LEMD1: variants seen among roughly 807,000 people sequenced by gnomAD.
The protein encoded by LEMD1 is LEM domain-containing protein 1.
LEMD1 carries 18 observed loss-of-function variants against 17.4 expected under a neutral mutation model. That is an observed-to-expected ratio of 1.04 (90% CI 0.72 to 1.54). The LOEUF (loss-of-function observed/expected upper bound fraction) is 1.54, where lower values mean the gene tolerates loss of function less well. Ranked by LOEUF, LEMD1 falls within the 40% of genes most tolerant of loss-of-function variation. The probability of loss-of-function intolerance (pLI) is 0.00; values close to 1 mark genes in which losing one functional copy is unlikely to be tolerated. For missense variants in LEMD1, 195 were observed against 210.4 expected (o/e 0.93, Z 0.45); for synonymous variants, 88 against 77.8 (o/e 1.13, Z -0.69).
At chr1:205,440,934 C>T (rs1479125703) in intron 1 of LEMD1, 4 of 152,334 alleles carry the variant, frequency 2.6e-5, no homozygotes, top group Non-Finnish European at 5.9e-5. Flanking sequence ...ATCACACCGC[C>T]GTCTCCCGCT....
chr1:205,448,659 C>A lies in LEMD1; in HGVS notation c.-39+1209G>T, dbSNP rs1666444766. Among the ~76,000 whole-genome samples the A allele has an allele frequency of 6.6e-6, 1 of 152,170 alleles. No homozygotes were observed. The highest frequency in any genetic ancestry group is 1.5e-5 in the Non-Finnish European group (1 of 68,028). ...GGTATGAGGAGGGGTGGCTTCCTGG[C>A]CATAAAGGACCTCCTCAAATTCCCT... is the stretch of plus-strand genomic sequence containing the variant. On this transcript the variant is annotated intron_variant, in intron 1 of 3. Transcript: ENST00000367154. This position sits in a 1 kb window ranked among gnomAD's most constrained non-coding sequence, Gnocchi z 4.7.
At chr1:205,386,706 T>G (rs1243541075) in intron 4 of LEMD1, 1 of 152,222 alleles carries the variant, frequency 6.6e-6, no homozygotes, top group African/African-American at 2.4e-5. Context: ...GAGTGCCACA[T>G]GCAAACAGCA....
intron 4 of LEMD1, among the ~76,000 whole-genome samples, chr1:205,405,490 G>A (rs923587506): frequency 1.6e-4 from 23 of 142,952 alleles, no homozygotes; most frequent in African/African-American, 3.5e-4. Flanking sequence ...CCAGTTGATC[G>A]CATCGGCTCC....
chr1:205,394,793 C>A (rs1291156739), intron 4 of LEMD1, among the ~76,000 whole-genome samples: 1 of 152,008 alleles, frequency 6.6e-6, no homozygotes, highest in Non-Finnish European at 1.5e-5. Flanking sequence ...TTGAGACCAA[C>A]CTGACCAACG....
intron 4 of LEMD1, among the ~76,000 whole-genome samples, chr1:205,408,189 G>A (rs1214519239): frequency 6.6e-6 from 1 of 152,208 alleles, no homozygotes; most frequent in Admixed American, 6.5e-5. Flanking sequence ...ATGAATCAGC[G>A]TGGATTTCCT....
intron 4 of LEMD1, among the ~76,000 whole-genome samples, chr1:205,395,544 A>G (rs1664551069): frequency 6.6e-6 from 1 of 151,834 alleles, no homozygotes; most frequent in Non-Finnish European, 1.5e-5. Context: ...CGGTGAGCCA[A>G]GATCATGCCA....
rs565997685 is a variant in LEMD1, at chr1:205,386,979, C to A, written c.271-2615G>T. On this transcript the variant is annotated intron_variant, in intron 4 of 5. Transcript: ENST00000367153. Reference sequence around the variant, plus strand: ...ATCATGAACCTCTACATATCCATCACATGCAACTTCTTTTTAATTCGCTTA... The same window carrying A: ...ATCATGAACCTCTACATATCCATCAAATGCAACTTCTTTTTAATTCGCTTA... 6.6e-5 allele frequency: 10 copies of A among 152,326 alleles called. No homozygotes were observed. In the South Asian group the frequency reaches 1.0e-3, roughly 16 times the overall value. 9.4% of individuals were successfully genotyped at this position (152,326 alleles called of 1,614,324 possible). A position where few individuals can be genotyped will look rare whatever the true frequency, so the allele number is the denominator to read the frequency against.
rs867509408 is a variant in LEMD1 at position 205,405,160 on chromosome 1, C to T, written c.270+11072G>A. On this transcript the variant is annotated intron_variant, in intron 4 of 5. Transcript: ENST00000367153. ...ATTTTTTCCTTCATTTCAACTTTGGCGAATCTGACAATTATGTGTCTTGGA... is the reference window on the plus strand; with the variant it reads ...ATTTTTTCCTTCATTTCAACTTTGGTGAATCTGACAATTATGTGTCTTGGA... 5.2e-3 allele frequency among the ~76,000 whole-genome samples: 791 copies of T among 152,028 alleles called. 6 individuals are homozygous for T. Among genetic ancestry groups the T allele is most frequent in the African/African-American group, 0.018 (761 of 41,436 alleles).
intron 1 of LEMD1, among the ~76,000 whole-genome samples, chr1:205,434,674 A>T (rs989572616): frequency 2.0e-5 from 3 of 152,076 alleles, no homozygotes; most frequent in South Asian, 4.2e-4. Context: ...GTTCCAGGAG[A>T]CCTGGGGTGT....
chr1:205,397,856 A>AT (rs1037701968), intron 4 of LEMD1, among the ~76,000 whole-genome samples: 2 of 152,180 alleles, frequency 1.3e-5, no homozygotes, highest in Admixed American at 6.5e-5. Context: ...ACAAATCCAT[A>AT]TTTTTTTCTA....
At chr1:205,398,016 A>G (rs1041173192) in intron 4 of LEMD1, among the ~76,000 whole-genome samples, 3 of 152,234 alleles carry the variant, frequency 2.0e-5, no homozygotes, top group African/African-American at 7.2e-5. Context: ...TTACACAGAA[A>G]AGAAATCAAC....
At chr1:205,407,199 A>T (rs1288433643) in intron 4 of LEMD1, among the ~76,000 whole-genome samples, 2 of 151,968 alleles carry the variant, frequency 1.3e-5, no homozygotes, top group Non-Finnish European at 2.9e-5. Flanking sequence ...GTGTGGCAGC[A>T]CGTGCCTGTA....
intron 1 of LEMD1, among the ~76,000 whole-genome samples, chr1:205,446,640 T>G (rs1480707385): frequency 1.3e-5 from 2 of 152,076 alleles, no homozygotes; most frequent in Non-Finnish European, 2.9e-5. Flanking sequence ...GATCAGGAGT[T>G]AAGGGAAGGA....
chr1:205,384,084 T>C (rs923512283), intron 5 of LEMD1, among the ~76,000 whole-genome samples: 10 of 152,118 alleles, frequency 6.6e-5, no homozygotes, highest in Non-Finnish European at 1.3e-4. Flanking sequence ...TTCCCAGTTC[T>C]CCCGGGCCTA....
rs776536074 is a variant in LEMD1, at chr1:205,381,771, C to T, written c.433G>A (p.Glu145Lys). The change falls in exon 6 of 6, where the codon GAG becomes AAG. Residue 145 changes from glutamate to lysine, a missense_variant. Glu to Lys is a moderately conservative substitution (Grantham distance 56, BLOSUM62 1). Coordinates refer to ENST00000367153, the MANE Select transcript of LEMD1 (RefSeq NM_001199050.2). ...RDYCAEDQTI[E>K]SWREEGFPVG... ...GGGAAACCTTCTTCTCTCCAGCTCT[C>T]GATAGTCTGGTCTTCCGCGCAGTAG... is the stretch of plus-strand genomic sequence containing the variant. 2.0e-5 allele frequency: 32 copies of T among 1,614,062 alleles called. No homozygotes were observed. Among genetic ancestry groups the T allele is most frequent in the Middle Eastern group, 1.6e-4 (1 of 6,084 alleles).
At chr1:205,414,013 G>T (rs552490194) in intron 4 of LEMD1, among the ~76,000 whole-genome samples, 1 of 152,096 alleles carries the variant, frequency 6.6e-6, no homozygotes, top group Non-Finnish European at 1.5e-5. Context: ...AGAGTGAAAA[G>T]AATTTCAGGC....
intron 4 of LEMD1, among the ~76,000 whole-genome samples, chr1:205,414,381 G>T (rs994226575): frequency 6.6e-6 from 1 of 150,624 alleles, no homozygotes; most frequent in Non-Finnish European, 1.5e-5. Flanking sequence ...CCAAGAGTTC[G>T]AGACCAGCCT....
Position 205,420,570 on chromosome 1 carries a change from G to A in LEMD1, c.-34C>T. ...AAGTTTGGCCTCTTTTCTGATGGTA[G>A]AATCCTTGAAATAACAAAACATTAA... On this transcript the variant is annotated 5_prime_UTR_variant, in exon 2 of 6. Transcript: ENST00000367153. The A allele has an allele frequency of 6.8e-7, 1 of 1,476,340 alleles. No individual in the cohort carries two copies. Among genetic ancestry groups the A allele is most frequent in the Non-Finnish European group, 9.5e-7 (1 of 1,055,018 alleles). 91.5% of individuals were successfully genotyped at this position (1,476,340 alleles called of 1,614,324 possible).
rs1448292372 is a variant in LEMD1, at chr1:205,381,764, C to T, written c.440G>A (p.Trp147Ter). Residue 147 changes from tryptophan to a stop codon, truncating the protein, a stop_gained, in exon 6 of 6, where the codon TGG becomes TAG. Transcript: ENST00000367153. LOFTEE classifies it low-confidence loss of function (END_TRUNC). ...YCAEDQTIESWREEGFPVGLK... is the reference protein window; with the variant it reads ...YCAEDQTIES ...GCCCACTGGGAAACCTTCTTCTCTC[C>T]AGCTCTCGATAGTCTGGTCTTCCGC... The T allele has an allele frequency of 6.2e-7, 1 of 1,614,220 alleles. No homozygotes were observed. Among genetic ancestry groups the T allele is most frequent in the South Asian group, 1.1e-5 (1 of 91,078 alleles).
Sources: allele counts gnomAD v4.1 joint callset (sites outside exome capture counted in the v4.1 genomes callset), GRCh38; gene constraint gnomAD v4.1.1; non-coding constraint Gnocchi (gnomAD v3.1); transcripts MANE v1.5; gene names NCBI Gene and HGNC (gene_info 2026-07-23, HGNC 2026-07-21).